Variants in PCDHA1 observed in about 807,000 individuals in gnomAD.
PCDHA1 encodes the protein protocadherin alpha 1.
A neutral mutation model predicts 61.3 loss-of-function variants in PCDHA1; 42 were observed. The observed-to-expected ratio is 0.69, with a 90% CI of 0.54 to 0.89. PCDHA1 has a LOEUF of 0.89. PCDHA1 is among the 40% of genes least tolerant of loss of function. PCDHA1 has a pLI of 0.00. For synonymous variants in PCDHA1, 610 were observed against 553.8 expected (o/e 1.10, Z -1.43); for missense variants, 1,256 against 1,235.3 (o/e 1.02, Z -0.25).
At chr5:140,840,242 T>C (rs113669357) in intron 1 of PCDHA1, among the ~76,000 whole-genome samples, 1 of 152,052 alleles carries the variant, frequency 6.6e-6, no homozygotes, top group Non-Finnish European at 1.5e-5. Flanking sequence ...AGAATCACTA[T>C]GCTATAAAAA....
rs373922357 is a variant in PCDHA1, at chr5:140,927,079, G to C, written c.2395-51870G>C. On this transcript the variant is annotated intron_variant, in intron 1 of 3. Coordinates refer to ENST00000504120, the MANE Select transcript of PCDHA1 (RefSeq NM_018900.4). ...CTTTCGCTTCCTTTCCAGCCACCGC[G>C]AGCTCTACTTCGGGGTGGATCTACC... The C allele has an allele frequency of 2.5e-6, 4 of 1,610,870 alleles. No individual in the cohort carries two copies. In the African/African-American group the frequency reaches 5.3e-5, roughly 22 times the overall value.
chr5:140,841,176 A>G, intron 1 of PCDHA1: 24 of 1,081,656 alleles, frequency 2.2e-5, no homozygotes, highest in Non-Finnish European at 3.1e-5. Context: ...TGGTTGGTCA[A>G]TGTTCAAAGT....
At chr5:140,968,467 A>T in intron 1 of PCDHA1, 1 of 1,614,124 alleles carries the variant, frequency 6.2e-7, no homozygotes, top group East Asian at 2.2e-5. Flanking sequence ...CTGCCAACGT[A>T]TATGTGGTGG....
At chr5:140,866,376 CA>C (rs2049320172) in intron 1 of PCDHA1, 1 of 152,074 alleles carries the variant, frequency 6.6e-6, no homozygotes, top group South Asian at 2.1e-4. Flanking sequence ...ACTTCAATAA[CA>C]ATTTTAAAGA....
intron 1 of PCDHA1, chr5:140,796,699 G>C (rs1562162174): frequency 6.2e-7 from 1 of 1,614,010 alleles, no homozygotes; most frequent in Non-Finnish European, 8.5e-7. Context: ...CGCAGTGAGT[G>C]AGCTGGTGCC....
chr5:140,805,580 A>G (rs1763597043), intron 1 of PCDHA1: 1 of 945,106 alleles, frequency 1.1e-6, no homozygotes, highest in East Asian at 1.2e-4. Flanking sequence ...TTAAATGGCT[A>G]CCATTATGTC....
At position 140,796,008 on chromosome 5, in the gene PCDHA1, A is replaced by G. The variant is rs782477722; in HGVS notation, c.2394+7324A>G. 15 of 1,614,054 alleles carry G rather than the reference A, an allele frequency of 9.3e-6. No individual in the cohort carries two copies. In the Middle Eastern group the frequency reaches 4.9e-4, roughly 53 times the overall value. On this transcript the variant is annotated intron_variant, in intron 1 of 3. Transcript: ENST00000504120. Reference sequence around the variant, plus strand: ...TTGTGGACATCAATGATAACACACCAGAAGTCTCAATAACGTCTCTCTCAC... The same window carrying G: ...TTGTGGACATCAATGATAACACACCGGAAGTCTCAATAACGTCTCTCTCAC...
chr5:140,823,742 C>T (rs1767853747), intron 1 of PCDHA1: 2 of 1,613,716 alleles, frequency 1.2e-6, no homozygotes, highest in Non-Finnish European at 1.7e-6. Context: ...CATGGAGAGC[C>T]CCCGCTGACA....
At chr5:140,917,242 T>C (rs564284004) in intron 1 of PCDHA1, among the ~76,000 whole-genome samples, 1 of 151,850 alleles carries the variant, frequency 6.6e-6, no homozygotes, top group African/African-American at 2.4e-5. Flanking sequence ...ATCTAGGTAC[T>C]ACGATTGCTC....
At chr5:140,795,594 G>T (rs1554119506) in intron 1 of PCDHA1, 3 of 1,614,024 alleles carry the variant, frequency 1.9e-6, no homozygotes. Flanking sequence ...AGGTTAATTT[G>T]TTACTGGTGG....
intron 1 of PCDHA1, chr5:140,796,685 C>T: frequency 6.2e-7 from 1 of 1,613,902 alleles, no homozygotes; most frequent in Non-Finnish European, 8.5e-7. Flanking sequence ...GGCACCGCTG[C>T]TGGCGCAGTG....
At chr5:140,967,150 C>T (rs1400431511) in intron 1 of PCDHA1, 1 of 1,611,004 alleles carries the variant, frequency 6.2e-7, no homozygotes, top group Non-Finnish European at 8.5e-7. Context: ...CGCACAACCC[C>T]GTGGCGGTGA....
chr5:140,907,412 A>G (rs889699438), intron 1 of PCDHA1, among the ~76,000 whole-genome samples: 5 of 152,232 alleles, frequency 3.3e-5, no homozygotes, highest in Non-Finnish European at 7.3e-5. Flanking sequence ...GAATACCACG[A>G]TGGTGGATAA....
In PCDHA1 at chr5:140,795,632, C is replaced by T. The variant is rs1554119510; in HGVS notation, c.2394+6948C>T. On this transcript the variant is annotated intron_variant, in intron 1 of 3. Coordinates refer to ENST00000504120, the MANE Select transcript of PCDHA1 (RefSeq NM_018900.4). ...ACTGATGGGGGCAAACCTGAGCTCA[C>T]GGGCACCGTTCAAATACTTATTAAG... 1.9e-6 allele frequency: 3 copies of T among 1,613,994 alleles called. No homozygotes were observed. The highest frequency in any genetic ancestry group is 1.7e-5 in the Admixed American group (1 of 59,996).
intron 1 of PCDHA1, among the ~76,000 whole-genome samples, chr5:140,906,117 C>A (rs1554192403): frequency 6.6e-6 from 1 of 152,180 alleles, no homozygotes; most frequent in Non-Finnish European, 1.5e-5. Flanking sequence ...AGTCCACTGA[C>A]ACAAATGTTA....
Position 140,941,114 on chromosome 5 carries a change from T to G in PCDHA1, c.2395-37835T>G, listed in dbSNP as rs193134067. ...TTTCACATACTATTACTGGAAAGAT[T>G]AGTCCTTTGAAGTTCCAGCTTAATG... On this transcript the variant is annotated intron_variant, in intron 1 of 3. Coordinates refer to ENST00000504120, the MANE Select transcript of PCDHA1 (RefSeq NM_018900.4). Among the ~76,000 whole-genome samples, 307 of 152,230 alleles carry G rather than the reference T, an allele frequency of 2.0e-3. 3 individuals carry two copies. Among genetic ancestry groups the G allele is most frequent in the African/African-American group, 7.2e-3 (299 of 41,546 alleles).
intron 3 of PCDHA1, among the ~76,000 whole-genome samples, chr5:140,989,709 C>T (rs2097355670): frequency 6.6e-6 from 1 of 152,160 alleles, no homozygotes; most frequent in South Asian, 2.1e-4. Flanking sequence ...TCTTCAGAGG[C>T]AGTCAGCTTT....
intron 1 of PCDHA1, chr5:140,928,209 T>C: frequency 6.2e-7 from 1 of 1,614,222 alleles, no homozygotes; most frequent in South Asian, 1.1e-5. Flanking sequence ...CTGATGTGAA[T>C]GACAATACAC....
At chr5:140,805,026 A>C in intron 1 of PCDHA1, 6 of 1,579,022 alleles carry the variant, frequency 3.8e-6, no homozygotes, top group Non-Finnish European at 5.1e-6. Context: ...CTTCTTGAAT[A>C]TAATAGAGTC....
Sources: allele counts gnomAD v4.1 joint callset (sites outside exome capture counted in the v4.1 genomes callset), GRCh38; gene constraint gnomAD v4.1.1; transcripts MANE v1.5; gene names NCBI Gene and HGNC (gene_info 2026-07-23, HGNC 2026-07-21).